CTCF: variants seen among roughly 807,000 people sequenced by gnomAD.
CTCF encodes transcriptional repressor CTCF.
A neutral mutation model predicts 72.3 loss-of-function variants in CTCF; 7 were observed. The ratio of observed to expected loss-of-function variants is 0.10; its 90% confidence interval spans 0.06 to 0.18. CTCF has a LOEUF of 0.18. CTCF is among the 10% of genes least tolerant of loss of function. CTCF has a pLI of 1.00. For synonymous variants in CTCF, 374 were observed against 315.8 expected, an observed-to-expected ratio of 1.18 and a Z score of -1.95; for missense variants, 516 against 949.1, an observed-to-expected ratio of 0.54 and a Z score of 6.00.
At position 67,591,020 on chromosome 16, in the gene CTCF, C is replaced by G. The variant is rs1184864752; in HGVS notation, c.-10+19756C>G. Among the ~76,000 whole-genome samples, 3 of 142,260 alleles carry G rather than the reference C, an allele frequency of 2.1e-5. No individual in the cohort carries two copies. In the Admixed American group the frequency reaches 2.1e-4, roughly 10 times the overall value. 93.3% of individuals were successfully genotyped at this position (142,260 alleles called of 152,430 possible). On this transcript the variant is annotated intron_variant, in intron 2 of 11. Transcript: ENST00000264010. Reference sequence around the variant, plus strand: ...GTGGCTCACACAAATGCTGTGATTACAGGCGTGAGCCACCGTAATCCCAGC... The same window carrying G: ...GTGGCTCACACAAATGCTGTGATTAGAGGCGTGAGCCACCGTAATCCCAGC...
intron 2 of CTCF, among the ~76,000 whole-genome samples, chr16:67,592,255 T>TA (rs2051754793): frequency 6.6e-6 from 1 of 151,840 alleles, no homozygotes; most frequent in African/African-American, 2.4e-5. Context: ...CTACTAAAAA[T>TA]ACAAAAATTT....
At chr16:67,599,402 A>C (rs1241917541) in intron 2 of CTCF, among the ~76,000 whole-genome samples, 1 of 152,026 alleles carries the variant, frequency 6.6e-6, no homozygotes, top group Non-Finnish European at 1.5e-5. Flanking sequence ...CTCAAAGAAA[A>C]ATAAGTGGCT....
chr16:67,587,402 C>G (rs1202229044), intron 2 of CTCF, among the ~76,000 whole-genome samples: 3 of 151,970 alleles, frequency 2.0e-5, no homozygotes, highest in Non-Finnish European at 2.9e-5. Context: ...ACCCCTTTAC[C>G]AAATAAAAGT....
At chr16:67,592,983 G>A (rs1342111095) in intron 2 of CTCF, among the ~76,000 whole-genome samples, 1 of 151,464 alleles carries the variant, frequency 6.6e-6, no homozygotes, top group Non-Finnish European at 1.5e-5. Context: ...CCGAGATCGC[G>A]CCACTGCATT....
At chr16:67,603,899 C>T (rs1319167124) in intron 2 of CTCF, among the ~76,000 whole-genome samples, 1 of 150,530 alleles carries the variant, frequency 6.6e-6, no homozygotes, top group Non-Finnish European at 1.5e-5. Flanking sequence ...GAGGCTGAGG[C>T]GGGCAGATGA....
chr16:67,610,962 C>G lies in CTCF; in HGVS notation c.130C>G (p.Gln44Glu). The change falls in exon 3 of 12, where the codon CAG becomes GAG. Residue 44 changes from glutamine (Q) to glutamate (E), a missense_variant. This residue lies in a region of CTCF where 148 missense variants were observed against 194.9 expected (regional missense o/e 0.76). Coordinates refer to ENST00000264010, the MANE Select transcript of CTCF (RefSeq NM_006565.4). The stretch of plus-strand genomic sequence containing the variant: ...AGATGCCTGCCACTTACCCCAGAAC[C>G]AGACGGATGGGGGTGAGGTGGTCCA... ...EEDACHLPQN[Q>E]TDGGEVVQDV... The G allele has an allele frequency of 6.3e-7, 1 of 1,592,536 alleles. No individual in the cohort carries two copies. Among genetic ancestry groups the G allele is most frequent in the Non-Finnish European group, 8.6e-7 (1 of 1,163,838 alleles).
In CTCF at chr16:67,637,965, G is replaced by C; in HGVS notation, c.*93G>C. On this transcript the variant is annotated 3_prime_UTR_variant, in exon 12 of 12. Coordinates refer to ENST00000264010, the MANE Select transcript of CTCF (RefSeq NM_006565.4). ...CTCCCTTCTTTCTTTTTTTGGCTTT[G>C]GGAAAAGCATCATTTTACCAAACAT... 1 of 1,178,142 alleles carries C rather than the reference G, an allele frequency of 8.5e-7. No homozygotes were observed. The highest frequency in any genetic ancestry group is 1.2e-6 in the Non-Finnish European group (1 of 864,162). 73.0% of individuals were successfully genotyped at this position (1,178,142 alleles called of 1,614,324 possible).
chr16:67,586,485 G>A (rs1441915556), intron 2 of CTCF, among the ~76,000 whole-genome samples: 1 of 150,960 alleles, frequency 6.6e-6, no homozygotes, highest in Non-Finnish European at 1.5e-5. Context: ...GCAGTGAGCC[G>A]AGATCGCGCC....
intron 5 of CTCF, among the ~76,000 whole-genome samples, chr16:67,618,970 A>T (rs934462221): frequency 2.0e-5 from 3 of 152,266 alleles, no homozygotes; most frequent in African/African-American, 2.4e-5. Context: ...GTAAAACTAT[A>T]GTAAATGAAG....
chr16:67,577,759 T>C (rs2051518860), intron 2 of CTCF, among the ~76,000 whole-genome samples: 1 of 152,088 alleles, frequency 6.6e-6, no homozygotes, highest in Non-Finnish European at 1.5e-5. Context: ...TCTAGACTTC[T>C]TGAGTGGAAT....
At chr16:67,634,219 T>C (rs1172197748) in intron 10 of CTCF, among the ~76,000 whole-genome samples, 1 of 152,168 alleles carries the variant, frequency 6.6e-6, no homozygotes, top group Non-Finnish European at 1.5e-5. Context: ...TATTTGTTTG[T>C]TTTTCCCAGA....
chr16:67,599,719 C>CT (rs1403440202), intron 2 of CTCF, among the ~76,000 whole-genome samples: 9 of 152,192 alleles, frequency 5.9e-5, no homozygotes, highest in African/African-American at 2.2e-4. Flanking sequence ...GTCTTAGGAG[C>CT]TCCATTTTAT....
intron 1 of CTCF, chr16:67,564,103 C>T (rs888129751): frequency 5.3e-5 from 8 of 152,196 alleles, no homozygotes; most frequent in Non-Finnish European, 1.2e-4. Context: ...TTTCGATCAA[C>T]TAGGAAAGTT....
intron 2 of CTCF, among the ~76,000 whole-genome samples, chr16:67,599,824 T>G (rs1465030628): frequency 2.6e-5 from 4 of 152,200 alleles, no homozygotes; most frequent in Non-Finnish European, 5.9e-5. Context: ...TTCTGTTTAT[T>G]CCCTGTCCAG....
At chr16:67,631,150 G>GTTTTTTTTTTTTTTTTTTTTTTTT (rs1472086135) in intron 10 of CTCF, among the ~76,000 whole-genome samples, 1 of 132,534 alleles carries the variant, frequency 7.5e-6, no homozygotes, top group African/African-American at 3.2e-5. Context: ...TTTGTTCTTT[G>GTTTTTTTTTTTTTTTTTTTTTTTT]TTTGTTTTTT....
At position 67,616,820 on chromosome 16, in the gene CTCF, A is replaced by G. The variant is rs2052137778; in HGVS notation, c.1028A>G (p.Tyr343Cys). The change falls in exon 5 of 12, where the codon TAC becomes TGC. Residue 343 changes from tyrosine (Y) to cysteine (C), a missense_variant. Tyr to Cys is a radical substitution (Grantham distance 194). Coordinates refer to ENST00000264010, the MANE Select transcript of CTCF (RefSeq NM_006565.4). Reference sequence around the variant, plus strand: ...GGAGAATTGGTTCGGCATCGTCGTTACAAACACACCCACGAGAAGCCATTC... The same window carrying G: ...GGAGAATTGGTTCGGCATCGTCGTTGCAAACACACCCACGAGAAGCCATTC... ...TSGELVRHRR[Y>C]KHTHEKPFKC... 6.2e-7 allele frequency: 1 copy of G among 1,614,168 alleles called. No individual in the cohort carries two copies. Among genetic ancestry groups the G allele is most frequent in the Non-Finnish European group, 8.5e-7 (1 of 1,180,026 alleles).
At chr16:67,594,858 A>G (rs1398474222) in intron 2 of CTCF, among the ~76,000 whole-genome samples, 2 of 152,188 alleles carry the variant, frequency 1.3e-5, no homozygotes, top group South Asian at 2.1e-4. Context: ...GGAAAAACAC[A>G]TAGAACATTA....
rs898914220 is a variant in CTCF at position 67,565,697 on chromosome 16, G to A, written c.-127+2973G>A. ...TCAAAAAAAAAAAAAAAAAAAAAGA[G>A]TAGTTGTAAAGGTTAACTTTATCGG... On this transcript the variant is annotated intron_variant, in intron 1 of 11. Coordinates refer to ENST00000264010, the MANE Select transcript of CTCF (RefSeq NM_006565.4). Among the ~76,000 whole-genome samples the A allele has an allele frequency of 1.5e-4, 23 of 149,230 alleles. No homozygotes were observed. The South Asian group carries it at 1.9e-3, about 12-fold the overall frequency.
chr16:67,634,904 T>C (rs1055173015), intron 10 of CTCF, among the ~76,000 whole-genome samples: 2 of 152,140 alleles, frequency 1.3e-5, no homozygotes, highest in Admixed American at 1.3e-4. Flanking sequence ...GGTTTTACCA[T>C]GTTGGCCAGG....
Sources: allele counts gnomAD v4.1 joint callset (sites outside exome capture counted in the v4.1 genomes callset), GRCh38; gene constraint gnomAD v4.1.1; regional missense constraint gnomAD v4.1.1; transcripts MANE v1.5; gene names NCBI Gene and HGNC (gene_info 2026-07-23, HGNC 2026-07-21).